The following TTC34 variants were observed in gnomAD, a reference collection of about 807,000 sequenced individuals.
TTC34 encodes tetratricopeptide repeat protein 34.
In TTC34, 44 loss-of-function variants were observed where a neutral mutation model predicts 40.7. That is an observed-to-expected ratio of 1.08 (90% CI 0.85 to 1.39). The LOEUF is 1.39. Ranked by LOEUF, TTC34 falls within the 40% of genes most tolerant of loss-of-function variation. The pLI is 0.00. For missense variants in TTC34, 884 were observed against 838.0 expected (o/e 1.05, Z -0.68); for synonymous variants, 422 against 398.6 (o/e 1.06, Z -0.70).
exon 8 of TTC34, chr1:2,644,283 T>C: frequency 6.5e-7 from 1 of 1,534,632 alleles, no homozygotes; most frequent in Non-Finnish European, 8.7e-7. Flanking sequence ...GCTCTGCCGC[T>C]CCGAGGCCTC....
chr1:2,752,943 G>T (rs1641373455), intron 6 of TTC34, among the ~76,000 whole-genome samples: 1 of 140,868 alleles, frequency 7.1e-6, no homozygotes, highest in Non-Finnish European at 1.5e-5. Context: ...AACCCCAGGT[G>T]AGCATCCGAT....
chr1:2,686,092 C>T (rs1570813207), intron 6 of TTC34, among the ~76,000 whole-genome samples: 2 of 134,696 alleles, frequency 1.5e-5, no homozygotes, highest in Non-Finnish European at 3.1e-5. Context: ...CCCAGGCGAG[C>T]ATCTGACAGC....
At chr1:2,755,123 C>A (rs1474568707) in intron 6 of TTC34, among the ~76,000 whole-genome samples, 25 of 47,720 alleles carry the variant, frequency 5.2e-4, no homozygotes, top group East Asian at 2.9e-3. Flanking sequence ...ATCTGACGGC[C>A]TGGAACGGCA....
intron 3 of TTC34, among the ~76,000 whole-genome samples, chr1:2,789,284 C>G (rs1419868386): frequency 6.6e-6 from 1 of 152,142 alleles, no homozygotes; most frequent in African/African-American, 2.4e-5. Flanking sequence ...ATGCACCAAA[C>G]GAAAGGCCTG....
chr1:2,638,194 T>C (rs924633934), exon 9 of TTC34: 3 of 152,038 alleles, frequency 2.0e-5, no homozygotes, highest in African/African-American at 7.3e-5. Context: ...AAGGGTCAAG[T>C]ACAAAGCCTG....
At chr1:2,695,377 C>T (rs1242534005) in intron 6 of TTC34, among the ~76,000 whole-genome samples, 2 of 103,952 alleles carry the variant, frequency 1.9e-5, no homozygotes, top group African/African-American at 7.8e-5. Context: ...CATCCGACAG[C>T]CTGGAGCAGC....
At chr1:2,754,715 G>A (rs1641446028) in intron 6 of TTC34, among the ~76,000 whole-genome samples, 2 of 142,448 alleles carry the variant, frequency 1.4e-5, no homozygotes, top group Non-Finnish European at 3.0e-5. Flanking sequence ...GCGAGCATCC[G>A]ACAGCCTGGA....
At chr1:2,754,758 G>T (rs1641447597) in intron 6 of TTC34, among the ~76,000 whole-genome samples, 1 of 119,592 alleles carries the variant, frequency 8.4e-6, no homozygotes, top group African/African-American at 3.5e-5. Context: ...CGCATGTGAT[G>T]GTCTGGAGCA....
chr1:2,752,406 C>CT (rs1641351086), intron 6 of TTC34, among the ~76,000 whole-genome samples: 1 of 30,132 alleles, frequency 3.3e-5, no homozygotes, highest in Non-Finnish European at 8.4e-5. Context: ...TAACAGCACC[C>CT]ACACACCCAG....
At chr1:2,682,125 C>T (rs1334230454) in intron 6 of TTC34, among the ~76,000 whole-genome samples, 9 of 126,942 alleles carry the variant, frequency 7.1e-5, no homozygotes, top group Admixed American at 1.6e-4. Flanking sequence ...GAGCATCTGA[C>T]AGCCTGGAAC....
At position 2,756,042 on chromosome 1, in the gene TTC34, A is replaced by C; in HGVS notation, c.2226+27567T>G. On this transcript the variant is annotated intron_variant, in intron 6 of 8. Coordinates refer to ENST00000401095, the Ensembl canonical transcript of TTC34. ...ACACACACCCCCAGGCGAGCATCTG[A>C]CAACCTGGAACAGCACCCATACGCC... 2.3e-5 allele frequency among the ~76,000 whole-genome samples: 2 copies of C among 86,566 alleles called. 1 individual carries two copies. The highest frequency in any genetic ancestry group is 4.1e-5 in the Non-Finnish European group (2 of 48,624). 56.8% of individuals were successfully genotyped at this position (86,566 alleles called of 152,430 possible).
intron 6 of TTC34, among the ~76,000 whole-genome samples, chr1:2,695,439 C>CAT: frequency 1.6e-5 from 1 of 62,986 alleles, no homozygotes; most frequent in Non-Finnish European, 3.4e-5. Flanking sequence ...TCCTCACCTC[C>CAT]AGGTGAGCAT....
intron 6 of TTC34, among the ~76,000 whole-genome samples, chr1:2,773,114 G>C (rs1642554122): frequency 6.7e-6 from 1 of 148,826 alleles, no homozygotes; most frequent in Non-Finnish European, 1.5e-5. Context: ...GCGAGCATCT[G>C]ACAGCCTGGA....
chr1:2,749,900 T>A (rs1569687532), intron 6 of TTC34, among the ~76,000 whole-genome samples: 2 of 102,888 alleles, frequency 1.9e-5, no homozygotes, highest in African/African-American at 8.5e-5. Context: ...GGCGAGCATC[T>A]GACAGCCTGG....
exon 4 of TTC34, chr1:2,787,572 A>C: frequency 6.5e-7 from 1 of 1,546,804 alleles, no homozygotes; most frequent in Non-Finnish European, 8.7e-7. Flanking sequence ...GGATAGGGCC[A>C]CCAGCAGGGC....
At chr1:2,748,694 T>A in intron 6 of TTC34, among the ~76,000 whole-genome samples, 1 of 128,246 alleles carries the variant, frequency 7.8e-6, no homozygotes, top group Non-Finnish European at 1.6e-5. Flanking sequence ...CAGGTGAGCA[T>A]CTGACAGCCT....
At chr1:2,673,086 G>T (rs2100282209) in intron 6 of TTC34, among the ~76,000 whole-genome samples, 1 of 74,052 alleles carries the variant, frequency 1.4e-5, no homozygotes, top group Non-Finnish European at 3.3e-5. Flanking sequence ...CCCCAGGTGA[G>T]CATCTGACAG....
At chr1:2,756,728 G>C (rs1307029091) in intron 6 of TTC34, among the ~76,000 whole-genome samples, 226 of 3,292 alleles carry the variant, frequency 0.069, 2 homozygotes, top group Non-Finnish European at 0.085. Flanking sequence ...CATCTGACAG[G>C]CTGGAGCAGC....
intron 6 of TTC34, among the ~76,000 whole-genome samples, chr1:2,683,828 C>A (rs1358079847): frequency 6.6e-6 from 1 of 152,080 alleles, no homozygotes; most frequent in South Asian, 2.1e-4. Context: ...GGAACAGCAC[C>A]CACACCCCCA....
Sources: gnomAD v4.1 joint callset for allele counts (sites outside exome capture counted in the v4.1 genomes callset) on GRCh38, gnomAD v4.1.1 for gene constraint, MANE v1.5 for transcripts, NCBI Gene and HGNC (gene_info 2026-07-23, HGNC 2026-07-21) for gene names.